The following AGBL3 variants were observed in gnomAD, a reference collection of about 807,000 sequenced individuals.
AGBL3 encodes AGBL carboxypeptidase 3, also known as cytosolic carboxypeptidase 3.
Under a neutral mutation model 94.5 loss-of-function variants are expected in AGBL3, and 68 were observed. The observed-to-expected ratio is 0.72, with a 90% confidence interval of 0.59 to 0.88. The LOEUF (loss-of-function observed/expected upper bound fraction) is 0.88. AGBL3 is among the 40% of genes least tolerant of loss of function. The pLI is 0.00. For missense variants in AGBL3, 934 were observed against 1,103.8 expected (o/e 0.85, Z 2.18); for synonymous variants, 354 against 370.7 (o/e 0.95, Z 0.52).
At chr7:135,107,265 AG>A (rs1585154400) in intron 15 of AGBL3, among the ~76,000 whole-genome samples, 1 of 151,916 alleles carries the variant, frequency 6.6e-6, no homozygotes, top group Admixed American at 6.6e-5. Context: ...GCTTTGAAGG[AG>A]GTTTGCTCCT....
chr7:135,106,680 T>C (rs1824771405), intron 15 of AGBL3, among the ~76,000 whole-genome samples: 1 of 152,194 alleles, frequency 6.6e-6, no homozygotes, highest in Admixed American at 6.5e-5. Context: ...TTTTCTTTTA[T>C]TGTTGTGGCT....
At position 135,080,196 on chromosome 7, in the gene AGBL3, C is replaced by A; in HGVS notation, c.1981-7C>A. 1 of 1,539,784 alleles carries A rather than the reference C, an allele frequency of 6.5e-7. No homozygotes were observed. The highest frequency in any genetic ancestry group is 8.8e-7 in the Non-Finnish European group (1 of 1,136,806). ...GCATTGTTTTCTTTGATTCTACATTCCATTAGGTTTATGATAGAGGGCATT... is the reference window on the plus strand; with the variant it reads ...GCATTGTTTTCTTTGATTCTACATTACATTAGGTTTATGATAGAGGGCATT... On this transcript the variant is annotated splice_polypyrimidine_tract_variant and splice_region_variant and intron_variant, in intron 13 of 16. Coordinates refer to ENST00000436302, the MANE Select transcript of AGBL3 (RefSeq NM_178563.4).
At chr7:135,121,145 C>T (rs529194200) in intron 16 of AGBL3, among the ~76,000 whole-genome samples, 7 of 152,184 alleles carry the variant, frequency 4.6e-5, no homozygotes, top group Admixed American at 4.6e-4. Flanking sequence ...GTGGAGGTTG[C>T]GGTGAGCCAA....
At chr7:135,088,712 C>A (rs1821532818) in intron 15 of AGBL3, among the ~76,000 whole-genome samples, 1 of 152,268 alleles carries the variant, frequency 6.6e-6, no homozygotes, top group Non-Finnish European at 1.5e-5. Flanking sequence ...CTCTTCTAGC[C>A]TGTAAAGTTT....
intron 16 of AGBL3, among the ~76,000 whole-genome samples, chr7:135,127,421 C>T (rs1458737490): frequency 3.3e-5 from 5 of 152,012 alleles, no homozygotes; most frequent in East Asian, 3.9e-4. Flanking sequence ...GGTGTGGTGG[C>T]GCACGCCTGT....
At chr7:135,031,056 C>T (rs1049867193) in intron 5 of AGBL3, among the ~76,000 whole-genome samples, 2 of 151,742 alleles carry the variant, frequency 1.3e-5, no homozygotes, top group Non-Finnish European at 2.9e-5. Context: ...CTCATGATCT[C>T]TTATCTTTTC....
chr7:134,993,550 A>G lies in AGBL3; in HGVS notation c.182A>G (p.Gln61Arg), dbSNP rs1810580427. The stretch of plus-strand genomic sequence containing the variant: ...ACTACACAGATACTATTAGAATATC[A>G]GCTAGGGAGATGGGTGCCACGTCTT... ...PRTTQILLEY[Q>R]LGRWVPRLRE... The change falls in exon 4 of 17, where the codon CAG (glutamine) becomes CGG (arginine). Residue 61 changes from glutamine to arginine, a missense_variant. Transcript: ENST00000436302. The G allele has an allele frequency of 3.2e-6, 5 of 1,551,630 alleles. No individual in the cohort carries two copies. The East Asian group carries it at 1.2e-4, about 38-fold the overall frequency.
chr7:135,085,735 G>A (rs906466697), intron 15 of AGBL3, among the ~76,000 whole-genome samples: 1 of 151,998 alleles, frequency 6.6e-6, no homozygotes, highest in Admixed American at 6.6e-5. Flanking sequence ...TAACCATTCT[G>A]GTTTGATTAC....
intron 11 of AGBL3, among the ~76,000 whole-genome samples, chr7:135,046,716 T>C (rs1341713119): frequency 6.6e-6 from 1 of 152,108 alleles, no homozygotes; most frequent in Non-Finnish European, 1.5e-5. Flanking sequence ...ATATATCAGT[T>C]TACCTACTGA....
intron 3 of AGBL3, among the ~76,000 whole-genome samples, chr7:134,990,541 A>G (rs1810106071): frequency 6.6e-6 from 1 of 152,236 alleles, no homozygotes; most frequent in South Asian, 2.1e-4. Flanking sequence ...TGTAACAAAT[A>G]AAGCTCCTAT....
At chr7:135,015,354 T>C (rs1050850921) in intron 4 of AGBL3, among the ~76,000 whole-genome samples, 7 of 152,314 alleles carry the variant, frequency 4.6e-5, no homozygotes, top group African/African-American at 1.7e-4. Flanking sequence ...ATAAAAACTT[T>C]GCATTGTTCA....
At chr7:135,054,594 T>G (rs1412081361) in intron 11 of AGBL3, among the ~76,000 whole-genome samples, 3 of 152,182 alleles carry the variant, frequency 2.0e-5, no homozygotes, top group African/African-American at 4.8e-5. Context: ...TAATGCACAT[T>G]GAATCAGATA....
rs765313831 is a variant in AGBL3, at chr7:135,059,165, G to T, written c.1842-4G>T. On this transcript the variant is annotated splice_region_variant and splice_polypyrimidine_tract_variant and intron_variant, in intron 11 of 16. Transcript: ENST00000436302. ...TGTATAAACCAAAATTATTTTTTTTGTAGTAGCCGAGGCTCTGACAGTTCA... is the reference window on the plus strand; with the variant it reads ...TGTATAAACCAAAATTATTTTTTTTTTAGTAGCCGAGGCTCTGACAGTTCA... 2 of 1,545,472 alleles carry T rather than the reference G, an allele frequency of 1.3e-6. No individual in the cohort carries two copies. Among genetic ancestry groups the T allele is most frequent in the Non-Finnish European group, 1.7e-6 (2 of 1,144,874 alleles).
At chr7:135,091,976 A>C (rs1042580012) in intron 15 of AGBL3, among the ~76,000 whole-genome samples, 1 of 152,236 alleles carries the variant, frequency 6.6e-6, no homozygotes, top group Non-Finnish European at 1.5e-5. Context: ...TTTCTTAAAG[A>C]ATTTAATCTT....
At chr7:135,118,972 A>G (rs550867421) in intron 16 of AGBL3, among the ~76,000 whole-genome samples, 2 of 152,304 alleles carry the variant, frequency 1.3e-5, no homozygotes, top group East Asian at 1.9e-4. Flanking sequence ...CCAACTGAAC[A>G]TAAGAGAAAA....
At chr7:135,114,128 TG>T (rs1385930357) in intron 15 of AGBL3, among the ~76,000 whole-genome samples, 2 of 152,250 alleles carry the variant, frequency 1.3e-5, no homozygotes, top group African/African-American at 4.8e-5. Context: ...CTTACACTGT[TG>T]GCTATTATGA....
intron 11 of AGBL3, among the ~76,000 whole-genome samples, chr7:135,047,693 T>G (rs1439976817): frequency 6.6e-6 from 1 of 152,038 alleles, no homozygotes; most frequent in Non-Finnish European, 1.5e-5. Flanking sequence ...TTCAAGTACT[T>G]AGCCCATTTT....
At chr7:135,064,302 T>C (rs1819092191) in intron 12 of AGBL3, among the ~76,000 whole-genome samples, 1 of 152,126 alleles carries the variant, frequency 6.6e-6, no homozygotes, top group South Asian at 2.1e-4. Flanking sequence ...AGAAGAACAA[T>C]GGTAAAACAT....
chr7:135,129,934 A>T (rs939952602), intron 16 of AGBL3, among the ~76,000 whole-genome samples: 2 of 152,230 alleles, frequency 1.3e-5, no homozygotes, highest in Non-Finnish European at 2.9e-5. Flanking sequence ...CAGAATATTA[A>T]ATATTATAAT....
Sources: gnomAD v4.1 joint callset for allele counts (sites outside exome capture counted in the v4.1 genomes callset) on GRCh38, gnomAD v4.1.1 for gene constraint, MANE v1.5 for transcripts, NCBI Gene and HGNC (gene_info 2026-07-23, HGNC 2026-07-21) for gene names.